The following EDN1 variants were observed in gnomAD, a reference collection of about 807,000 sequenced individuals.
The protein encoded by EDN1 is endothelin-1.
Under a neutral mutation model 21.7 loss-of-function variants are expected in EDN1, and 11 were observed. The ratio of observed to expected loss-of-function variants is 0.51; its 90% CI spans 0.32 to 0.84. The LOEUF (loss-of-function observed/expected upper bound fraction) is 0.84. Ranked by LOEUF, EDN1 falls within the 40% of genes least tolerant of loss-of-function variation. EDN1 has a pLI of 0.03. For missense variants in EDN1, 244 were observed against 262.3 expected (o/e 0.93, Z 0.48); for synonymous variants, 85 against 90.6 (o/e 0.94, Z 0.35).
the EDN1 span, among the ~76,000 whole-genome samples, chr6:12,270,093 C>T: frequency 3.3e-5 from 5 of 152,128 alleles, no homozygotes; most frequent in African/African-American, 1.2e-4. Flanking sequence ...ATAAAAGTCA[C>T]TTATGATCCT....
chr6:12,237,151 C>T, the EDN1 span, among the ~76,000 whole-genome samples: 1 of 152,144 alleles, frequency 6.6e-6, no homozygotes, highest in Non-Finnish European at 1.5e-5. Context: ...CTACAAAGGA[C>T]ATGAACTCAT....
At chr6:12,294,918 G>GT (rs757628744) in intron 4 of EDN1, among the ~76,000 whole-genome samples, 2 of 32,698 alleles carry the variant, frequency 6.1e-5, no homozygotes, top group Non-Finnish European at 1.2e-4. Flanking sequence ...CAGGTTTATG[G>GT]TCTTTTTTTT....
chr6:12,277,496 G>T, the EDN1 span, among the ~76,000 whole-genome samples: 20 of 152,328 alleles, frequency 1.3e-4, no homozygotes, highest in South Asian at 3.7e-3. Context: ...TAAGTAGCTT[G>T]CCCAAGGTTA....
the EDN1 span, among the ~76,000 whole-genome samples, chr6:12,266,451 G>C: frequency 1.2e-4 from 18 of 152,158 alleles, no homozygotes; most frequent in African/African-American, 4.3e-4. Context: ...CAATGCCCTG[G>C]AACTGCTCTT....
At chr6:12,289,327 G>GTCCCTGCTTGTGCGGGGACATAT (rs1762618475), upstream of EDN1, among the ~76,000 whole-genome samples, 1 of 152,008 alleles carries the variant, frequency 6.6e-6, no homozygotes, top group East Asian at 1.9e-4. Context: ...AAAAAAAAGA[G>GTCCCTGCTTGTGCGGGGACATAT]TCCCAGAAAA....
chr6:12,239,581 T>G, the EDN1 span, among the ~76,000 whole-genome samples: 2 of 152,104 alleles, frequency 1.3e-5, no homozygotes, highest in Admixed American at 1.3e-4. Flanking sequence ...AGAAGAACCA[T>G]TTTGGACCAT....
rs1762644124 is a variant in EDN1, at chr6:12,290,484, T to G, written c.-146T>G. The G allele has an allele frequency of 3.2e-6, 2 of 624,898 alleles. No homozygotes were observed. Among genetic ancestry groups the G allele is most frequent in the Non-Finnish European group, 5.4e-6 (2 of 370,422 alleles). 38.7% of individuals were successfully genotyped at this position (624,898 alleles called of 1,614,324 possible). Reference sequence around the variant, plus strand: ...CCTTCTCTCCTGGCAGGCGCTGCCTTTTCTCCCCGTTAAAAGGGCACTTGG... The same window carrying G: ...CCTTCTCTCCTGGCAGGCGCTGCCTGTTCTCCCCGTTAAAAGGGCACTTGG... On this transcript the variant is annotated 5_prime_UTR_variant, in exon 1 of 5. Coordinates refer to ENST00000379375, the MANE Select transcript of EDN1 (RefSeq NM_001955.5).
At chr6:12,275,728 C>T in the EDN1 span, among the ~76,000 whole-genome samples, 10 of 151,882 alleles carry the variant, frequency 6.6e-5, no homozygotes, top group African/African-American at 2.2e-4. Context: ...CCCGTGTCTC[C>T]CTTCTTAATT....
chr6:12,261,207 G>A, the EDN1 span, among the ~76,000 whole-genome samples: 1 of 152,138 alleles, frequency 6.6e-6, no homozygotes, highest in Non-Finnish European at 1.5e-5. Context: ...TTTGAAATCT[G>A]CTTCAGGGAA....
chr6:12,276,310 T>C, the EDN1 span, among the ~76,000 whole-genome samples: 2 of 152,094 alleles, frequency 1.3e-5, no homozygotes, highest in African/African-American at 4.8e-5. Flanking sequence ...AAAGGAACGA[T>C]GTGACTGTTA....
chr6:12,276,542 G>A, the EDN1 span, among the ~76,000 whole-genome samples: 5 of 152,208 alleles, frequency 3.3e-5, no homozygotes, highest in Admixed American at 1.3e-4. Flanking sequence ...TATGCAAGAC[G>A]TTTGTACCGA....
chr6:12,276,184 A>G, the EDN1 span, among the ~76,000 whole-genome samples: 2 of 149,468 alleles, frequency 1.3e-5, no homozygotes, highest in African/African-American at 5.0e-5. Context: ...AAAAAAAAAA[A>G]AAAGAATCCT....
At chr6:12,272,452 CT>C in the EDN1 span, among the ~76,000 whole-genome samples, 4,480 of 106,808 alleles carry the variant, frequency 0.042, 98 homozygotes, top group African/African-American at 0.14. Flanking sequence ...GAGTCATACT[CT>C]TTTTTTTTTT....
the EDN1 span, among the ~76,000 whole-genome samples, chr6:12,272,272 T>C: frequency 6.6e-6 from 1 of 152,020 alleles, no homozygotes. Context: ...TTTTAACTCA[T>C]TGTTTCAGAT....
the EDN1 span, among the ~76,000 whole-genome samples, chr6:12,267,574 T>G: frequency 3.9e-5 from 6 of 152,290 alleles, 1 homozygote; most frequent in African/African-American, 1.4e-4. Flanking sequence ...AAGACAAGTT[T>G]GACACTAGCA....
At chr6:12,281,781 C>T in the EDN1 span, among the ~76,000 whole-genome samples, 1 of 152,140 alleles carries the variant, frequency 6.6e-6, no homozygotes, top group Non-Finnish European at 1.5e-5. Flanking sequence ...GGTGGCTTTT[C>T]CAAAGGTTGT....
the EDN1 span, among the ~76,000 whole-genome samples, chr6:12,244,431 A>G: frequency 4.6e-5 from 7 of 152,260 alleles, no homozygotes; most frequent in Non-Finnish European, 4.4e-5. Flanking sequence ...TTACACAAGC[A>G]GGTACAAGTT....
At chr6:12,232,007 G>A in the EDN1 span, among the ~76,000 whole-genome samples, 14 of 149,678 alleles carry the variant, frequency 9.4e-5, no homozygotes, top group African/African-American at 3.4e-4. Flanking sequence ...TAAAAGAAAG[G>A]GTAAAATGTT....
chr6:12,265,045 G>T, the EDN1 span, among the ~76,000 whole-genome samples: 3 of 152,190 alleles, frequency 2.0e-5, no homozygotes, highest in African/African-American at 7.2e-5. Context: ...CATTTAGCCT[G>T]ATGTTAAGTG....
Sources: gnomAD v4.1 joint callset for allele counts (sites outside exome capture counted in the v4.1 genomes callset) on GRCh38, gnomAD v4.1.1 for gene constraint, MANE v1.5 for transcripts, NCBI Gene and HGNC (gene_info 2026-07-23, HGNC 2026-07-21) for gene names.